TNKS1BP1: variants seen among roughly 807,000 people sequenced by gnomAD.
TNKS1BP1 encodes the protein 182 kDa tankyrase-1-binding protein.
Under a neutral mutation model 141.1 loss-of-function variants are expected in TNKS1BP1, and 48 were observed. That is an observed-to-expected ratio of 0.34 (90% CI 0.27 to 0.43). TNKS1BP1 has a LOEUF of 0.43. TNKS1BP1 is among the 20% of genes least tolerant of loss of function. The pLI is 1.00. For synonymous variants in TNKS1BP1, 875 were observed against 898.2 expected, an observed-to-expected ratio of 0.97 and a Z score of 0.46; for missense variants, 2,149 against 2,226.0, an observed-to-expected ratio of 0.97 and a Z score of 0.70.
chr11:57,317,972 AACT>A, intron 3 of TNKS1BP1, 85 bp from the exon 4 acceptor site: 4 of 1,287,826 alleles, frequency 3.1e-6, no homozygotes, highest in Non-Finnish European at 4.5e-6. Flanking sequence ...CTCCCAGTGC[AACT>A]TTAACAGCAC....
chr11:57,311,338 G>C (rs1855706359), intron 5 of TNKS1BP1: 1 of 985,682 alleles, frequency 1.0e-6, no homozygotes, highest in South Asian at 4.7e-5. Context: ...AGACATGCTG[G>C]CCTCCCCATC....
At chr11:57,311,446 G>T (rs2134360357) in intron 5 of TNKS1BP1, 1 of 985,860 alleles carries the variant, frequency 1.0e-6, no homozygotes, top group Non-Finnish European at 1.2e-6. Context: ...TACCCGCGCT[G>T]GGACCTGTCC....
At chr11:57,321,710 C>T (rs887457447) in intron 2 of TNKS1BP1, 82 bp downstream of exon 2, 1 of 1,515,890 alleles carries the variant, frequency 6.6e-7, no homozygotes, top group African/African-American at 1.4e-5. Context: ...CTCAACCACC[C>T]CCCAAGACAG....
chr11:57,315,232 A>G (rs11604778), intron 4 of TNKS1BP1, among the ~76,000 whole-genome samples: 45,664 of 149,964 alleles, frequency 0.3, 8,059 homozygotes, highest in Non-Finnish European at 0.42. Context: ...CCACTTGCCC[A>G]CCCCCACCGC....
rs761681457 is a variant in TNKS1BP1 at position 57,320,637 on chromosome 11, G to C, written c.170C>G (p.Pro57Arg). 7 of 1,613,046 alleles carry C rather than the reference G, an allele frequency of 4.3e-6. No individual in the cohort carries two copies. Among genetic ancestry groups the C allele is most frequent in the Non-Finnish European group, 5.9e-6 (7 of 1,179,832 alleles). Residue 57 changes from proline to arginine, a missense_variant, in exon 3 of 12, where the codon CCC becomes CGC. Pro to Arg is a moderately radical substitution (Grantham distance 103). Transcript: ENST00000358252. ...AGGCCCAACAGGCACCAGCAGGCTG[G>C]GTTTGGCAGGCAGGGCTGGCTTGGC... is the stretch of plus-strand genomic sequence containing the variant. The part of the protein sequence containing the change: ...LPAKPALPAK[P>R]SLLVPVGPRP...
At chr11:57,315,418 A>T (rs1181768219) in intron 4 of TNKS1BP1, among the ~76,000 whole-genome samples, 1 of 151,954 alleles carries the variant, frequency 6.6e-6, no homozygotes, top group Non-Finnish European at 1.5e-5. Context: ...CATCTGCTTC[A>T]TCATACTGTT....
At chr11:57,319,230 A>G (rs1855844315) in intron 3 of TNKS1BP1, among the ~76,000 whole-genome samples, 1 of 151,264 alleles carries the variant, frequency 6.6e-6, no homozygotes, top group African/African-American at 2.4e-5. Context: ...TGCCCTACTC[A>G]TCCTGACACA....
At chr11:57,321,986 T>C in intron 1 of TNKS1BP1, 36 bp from the exon 2 acceptor site, 2 of 1,481,478 alleles carry the variant, frequency 1.3e-6, no homozygotes, top group Non-Finnish European at 1.8e-6. Context: ...AAAAAAAGAG[T>C]TGGGCGTTGC....
At chr11:57,311,759 G>GGGCACTGGGCCGGGAAAC (rs1386113484) in intron 5 of TNKS1BP1, among the ~76,000 whole-genome samples, 1 of 152,248 alleles carries the variant, frequency 6.6e-6, no homozygotes, top group African/African-American at 2.4e-5. Context: ...GTAGGAGAAA[G>GGGCACTGGGCCGGGAAAC]GGCACTGGGC....
rs765565508 is a variant in TNKS1BP1, at chr11:57,302,898, G to C, written c.4317-73C>G. ...CCCTGCCCTGAAGCCTACTTCACAA[G>C]CTCCTTCCCCCAGCCCCCAAACTCT... On this transcript the variant is annotated intron_variant, in intron 6 of 11. Transcript: ENST00000358252. This position sits in a 1 kb window ranked among gnomAD's most constrained non-coding sequence, Gnocchi z 5.5. The C allele has an allele frequency of 2.8e-6, 4 of 1,422,662 alleles. No individual in the cohort carries two copies. The highest frequency in any genetic ancestry group is 1.4e-5 in the African/African-American group (1 of 70,588). The allele number at this position is 1,422,662 out of a possible 1,614,324, so 88.1% of individuals were successfully genotyped here. A position where few individuals can be genotyped will look rare whatever the true frequency, so the allele number is the denominator to read the frequency against.
chr11:57,309,301 A>G lies in TNKS1BP1; in HGVS notation c.3410T>C (p.Phe1137Ser). ...ACCTTCCATCTTGCTAGAAGGGCTA[A>G]AGCCAGCACCACTCACTCTGTCGTT... The part of the protein sequence containing the change: ...IGNDRVSGAG[F>S]SPSSKMEGGH... The change falls in exon 6 of 12, where the codon TTT (phenylalanine) becomes TCT (serine). Residue 1137 changes from phenylalanine to serine, a missense_variant. Transcript: ENST00000358252. This position sits in a 1 kb window ranked among gnomAD's most constrained non-coding sequence, Gnocchi z 4.3. The G allele has an allele frequency of 6.2e-7, 1 of 1,614,160 alleles. No homozygotes were observed. The highest frequency in any genetic ancestry group is 1.6e-4 in the Middle Eastern group (1 of 6,062).
At chr11:57,316,197 T>C (rs1855796927) in intron 4 of TNKS1BP1, among the ~76,000 whole-genome samples, 2 of 152,150 alleles carry the variant, frequency 1.3e-5, no homozygotes, top group Admixed American at 6.5e-5. Flanking sequence ...GACCTGTCAG[T>C]GGCATCTGAC....
At position 57,310,325 on chromosome 11, in the gene TNKS1BP1, T is replaced by C; in HGVS notation, c.2386A>G (p.Ile796Val). The change falls in exon 6 of 12, where the codon ATC becomes GTC. Residue 796 changes from isoleucine to valine, a missense_variant. Coordinates refer to ENST00000358252, the MANE Select transcript of TNKS1BP1 (RefSeq NM_033396.3). The stretch of plus-strand genomic sequence containing the variant: ...CTGGCCTCCATCTCCTCCTGGCCGA[T>C]GCCACACCTGCTGGCCCACTCCCTG... The part of the protein sequence containing the change: ...STREWASRCG[I>V]GQEEMEASSS... 6.2e-7 allele frequency: 1 copy of C among 1,614,034 alleles called. No individual in the cohort carries two copies. The highest frequency in any genetic ancestry group is 1.3e-5 in the African/African-American group (1 of 75,044).
intron 4 of TNKS1BP1, among the ~76,000 whole-genome samples, chr11:57,315,589 C>G (rs932493680): frequency 6.6e-6 from 1 of 152,072 alleles, no homozygotes; most frequent in Non-Finnish European, 1.5e-5. Flanking sequence ...CAGAATCCCA[C>G]GGCACTCCCC....
intron 4 of TNKS1BP1, among the ~76,000 whole-genome samples, chr11:57,314,383 G>T (rs866565781): frequency 1.2e-4 from 18 of 152,346 alleles, no homozygotes; most frequent in African/African-American, 4.3e-4. Flanking sequence ...CAGCGTGCAG[G>T]GGGTGCCCCT....
chr11:57,314,166 C>T (rs1855762692), intron 4 of TNKS1BP1, among the ~76,000 whole-genome samples: 1 of 152,342 alleles, frequency 6.6e-6, no homozygotes, highest in East Asian at 1.9e-4. Context: ...GAACCCCTCA[C>T]CCACTCAACC....
At position 57,308,403 on chromosome 11, in the gene TNKS1BP1, G is replaced by C. The variant is rs368362055; in HGVS notation, c.4308C>G (p.Phe1436Leu). The C allele has an allele frequency of 1.2e-5, 20 of 1,612,822 alleles. No individual in the cohort carries two copies. The highest frequency in any genetic ancestry group is 1.6e-5 in the Non-Finnish European group (19 of 1,179,180). Residue 1436 changes from phenylalanine to leucine, a missense_variant, in exon 6 of 12, where the codon TTC becomes TTG. Phe to Leu is a conservative substitution (Grantham distance 22). Transcript: ENST00000358252. ...GGGGCTCCGTTCATTACCTTGCTCC[G>C]AAGCTGAGGGCTTCTCCTGTCTCCA... Reference protein sequence around the residue: ...PGMETGEALSFGASPGRCPAR... With the variant: ...PGMETGEALSLGASPGRCPAR...
At chr11:57,311,025 G>A (rs529484101) in intron 5 of TNKS1BP1, among the ~76,000 whole-genome samples, 3 of 152,168 alleles carry the variant, frequency 2.0e-5, no homozygotes, top group South Asian at 2.1e-4. Context: ...TTTCCAGCCC[G>A]TCCTCCCCCA....
intron 5 of TNKS1BP1, among the ~76,000 whole-genome samples, chr11:57,311,061 A>G (rs961011836): frequency 6.6e-6 from 1 of 151,598 alleles, no homozygotes; most frequent in African/African-American, 2.4e-5. Flanking sequence ...CCATCCTCCT[A>G]TAAGTACCCA....
Sources: gnomAD v4.1 joint callset for allele counts (sites outside exome capture counted in the v4.1 genomes callset) on GRCh38, gnomAD v4.1.1 for gene constraint, Gnocchi (gnomAD v3.1) non-coding constraint, MANE v1.5 for transcripts, NCBI Gene and HGNC (gene_info 2026-07-23, HGNC 2026-07-21) for gene names.